The following GALNT16 variants were observed in gnomAD, a reference collection of about 807,000 sequenced individuals.
GALNT16 encodes UDP-GalNAc:polypeptide N-acetylgalactosaminyltransferase-like protein 1.
A neutral mutation model predicts 76.1 loss-of-function variants in GALNT16; 40 were observed. The observed-to-expected ratio is 0.53, with a 90% confidence interval of 0.41 to 0.68. The LOEUF (loss-of-function observed/expected upper bound fraction) is 0.68, where lower values mean the gene tolerates loss of function less well. Among genes scored for constraint, GALNT16 ranks in the 30% least tolerant of loss-of-function variants. GALNT16 has a pLI of 0.00. For synonymous variants in GALNT16, 276 were observed against 285.2 expected, an observed-to-expected ratio of 0.97 and a Z score of 0.32; for missense variants, 621 against 731.9, an observed-to-expected ratio of 0.85 and a Z score of 1.75.
In GALNT16 at chr14:69,260,195, C is replaced by T; in HGVS notation, c.-96C>T. 3.1e-6 allele frequency: 2 copies of T among 647,778 alleles called. No homozygotes were observed. Among genetic ancestry groups the T allele is most frequent in the Non-Finnish European group, 2.6e-6 (1 of 387,884 alleles). The allele number at this position is 647,778 out of a possible 1,614,324, so 40.1% of individuals were successfully genotyped here. A position where few individuals can be genotyped will look rare whatever the true frequency, so the allele number is the denominator to read the frequency against. On this transcript the variant is annotated 5_prime_UTR_variant, in exon 1 of 15. Transcript: ENST00000448469. ...CTCTGCAGGACTGAGCAGCTAGGCG[C>T]GAGCGAAAACAAACAGCTGGGGCTG...
chr14:69,365,938 G>A, the GALNT16 span, among the ~76,000 whole-genome samples: 1 of 152,220 alleles, frequency 6.6e-6, no homozygotes, highest in African/African-American at 2.4e-5. Flanking sequence ...TAGAGGGACA[G>A]AGAAACAAGT....
At chr14:69,275,817 A>C (rs1464207253) in intron 1 of GALNT16, among the ~76,000 whole-genome samples, 1 of 152,246 alleles carries the variant, frequency 6.6e-6, no homozygotes, top group African/African-American at 2.4e-5. Flanking sequence ...AGCTATGATC[A>C]TGCCACTGCA....
At chr14:69,357,044 A>G (rs1192880113), downstream of GALNT16, 1 of 152,234 alleles carries the variant, frequency 6.6e-6, no homozygotes, top group Non-Finnish European at 1.5e-5. Context: ...CATGCCAAAC[A>G]CTTTGCTAGG....
the GALNT16 span, among the ~76,000 whole-genome samples, chr14:69,366,883 A>G: frequency 3.9e-5 from 6 of 152,210 alleles, no homozygotes; most frequent in South Asian, 4.1e-4. Flanking sequence ...GAAGTAGACA[A>G]TCACACCAAC....
chr14:69,326,146 T>C, intron 5 of GALNT16, 119 bp downstream of exon 5: 1 of 779,522 alleles, frequency 1.3e-6, no homozygotes, highest in South Asian at 1.4e-5. Flanking sequence ...GCATTCCTGA[T>C]GGCTGAGACC....
chr14:69,323,390 A>G (rs990485406), intron 2 of GALNT16, among the ~76,000 whole-genome samples: 3 of 152,214 alleles, frequency 2.0e-5, no homozygotes, highest in Admixed American at 2.0e-4. Context: ...GGGGAGGTCA[A>G]GTTCACCCTT....
At chr14:69,316,620 G>A (rs11625909) in intron 1 of GALNT16, among the ~76,000 whole-genome samples, 7,220 of 152,244 alleles carry the variant, frequency 0.047, 207 homozygotes, top group Non-Finnish European at 0.063. Flanking sequence ...GGTTTGAGCA[G>A]GGCCCTGCAG....
At chr14:69,273,691 A>G (rs139097737) in intron 1 of GALNT16, among the ~76,000 whole-genome samples, 575 of 152,318 alleles carry the variant, frequency 3.8e-3, no homozygotes, top group African/African-American at 0.013. Context: ...CCAGAATCCT[A>G]GCTAAGGAGA....
chr14:69,281,328 A>G (rs963045227), intron 1 of GALNT16, among the ~76,000 whole-genome samples: 1 of 152,204 alleles, frequency 6.6e-6, no homozygotes, highest in African/African-American at 2.4e-5. Flanking sequence ...TGTGACAGCT[A>G]ATCAGTCACA....
chr14:69,287,762 A>G (rs1220992955), intron 1 of GALNT16, among the ~76,000 whole-genome samples: 15 of 152,152 alleles, frequency 9.9e-5, no homozygotes, highest in Admixed American at 9.8e-4. Flanking sequence ...CCTGGACCAC[A>G]CTGCCTCTTG....
the GALNT16 span, among the ~76,000 whole-genome samples, chr14:69,377,344 T>C: frequency 6.6e-6 from 1 of 152,314 alleles, no homozygotes; most frequent in East Asian, 1.9e-4. Context: ...ACTTAGGCAA[T>C]CTAAATTTTT....
intron 1 of GALNT16, among the ~76,000 whole-genome samples, chr14:69,299,615 G>A (rs912020949): frequency 6.6e-6 from 1 of 152,180 alleles, no homozygotes; most frequent in Non-Finnish European, 1.5e-5. Context: ...TTCTGTCATT[G>A]TCCCCATTTT....
In GALNT16 at chr14:69,333,185, G is replaced by A. The variant is rs541932991; in HGVS notation, c.863+16G>A. ...GGCCCATAAGGTCAGAGCTGCGGTG[G>A]GCTCTGGGGGACCCCTTCCTTCCCT... On this transcript the variant is annotated intron_variant, in intron 8 of 14. Coordinates refer to ENST00000448469, the MANE Select transcript of GALNT16 (RefSeq NM_001168368.2). This position sits in a 1 kb window ranked among gnomAD's most constrained non-coding sequence, Gnocchi z 4.2. The A allele has an allele frequency of 2.7e-5, 41 of 1,543,014 alleles. No individual in the cohort carries two copies. In the South Asian group the frequency reaches 4.7e-4, roughly 18 times the overall value.
intron 1 of GALNT16, among the ~76,000 whole-genome samples, chr14:69,290,103 ATC>A (rs1269200227): frequency 6.6e-6 from 1 of 152,192 alleles, no homozygotes; most frequent in Non-Finnish European, 1.5e-5. Context: ...AATATCAATG[ATC>A]TAATGTGTAA....
At chr14:69,330,350 T>C (rs2045337576) in intron 6 of GALNT16, among the ~76,000 whole-genome samples, 3 of 152,302 alleles carry the variant, frequency 2.0e-5, no homozygotes, top group African/African-American at 7.2e-5. Context: ...ATTCCTTTCA[T>C]AGGAAATGTC....
At chr14:69,294,848 A>G (rs2044734173) in intron 1 of GALNT16, among the ~76,000 whole-genome samples, 2 of 152,146 alleles carry the variant, frequency 1.3e-5, no homozygotes. Context: ...CTTCCCAAGG[A>G]GCGGGGATTT....
At chr14:69,297,258 C>T (rs1346443028) in intron 1 of GALNT16, among the ~76,000 whole-genome samples, 3 of 152,214 alleles carry the variant, frequency 2.0e-5, no homozygotes, top group South Asian at 2.1e-4. Context: ...TCCCAGCAGA[C>T]GTATACACTC....
Position 69,333,809 on chromosome 14 carries a change from G to C in GALNT16, c.967+209G>C, listed in dbSNP as rs1244629828. On this transcript the variant is annotated intron_variant, in intron 9 of 14. Transcript: ENST00000448469. This position sits in a 1 kb window ranked among gnomAD's most constrained non-coding sequence, Gnocchi z 4.2. ...AAGGCACAGAGAAGTTAAGCAATTTGTCCAGAGCCACACAGCTAGTAAACA... is the reference window on the plus strand; with the variant it reads ...AAGGCACAGAGAAGTTAAGCAATTTCTCCAGAGCCACACAGCTAGTAAACA... The C allele has an allele frequency of 9.3e-6, 5 of 536,198 alleles. No individual in the cohort carries two copies. Among genetic ancestry groups the C allele is most frequent in the Non-Finnish European group, 1.6e-5 (5 of 306,916 alleles). The allele number at this position is 536,198 out of a possible 1,614,324, so 33.2% of individuals were successfully genotyped here.
downstream of GALNT16, chr14:69,359,086 G>A (rs2045709188): frequency 1.3e-5 from 2 of 152,280 alleles, no homozygotes; most frequent in African/African-American, 2.4e-5. Flanking sequence ...TCAGGGTGCT[G>A]AGCGTTCCTT....
Sources: gnomAD v4.1 joint callset for allele counts (sites outside exome capture counted in the v4.1 genomes callset) on GRCh38, gnomAD v4.1.1 for gene constraint, Gnocchi (gnomAD v3.1) non-coding constraint, MANE v1.5 for transcripts, NCBI Gene and HGNC (gene_info 2026-07-23, HGNC 2026-07-21) for gene names.